The following HABP2 variants were observed in gnomAD, a reference collection of about 807,000 sequenced individuals.
The protein encoded by HABP2 is factor VII-activating protease.
In HABP2, 65 loss-of-function variants were observed where a neutral mutation model predicts 66.5. The observed-to-expected ratio is 0.98, with a 90% CI of 0.80 to 1.20. The LOEUF (loss-of-function observed/expected upper bound fraction) is 1.20. Among genes scored for constraint, HABP2 ranks in the 50% most tolerant of loss-of-function variants. The pLI, the probability that HABP2 is intolerant of heterozygous loss-of-function variation, is 0.00. For missense variants in HABP2, 786 were observed against 691.0 expected, an observed-to-expected ratio of 1.14 and a Z score of -1.54; for synonymous variants, 263 against 253.9, an observed-to-expected ratio of 1.04 and a Z score of -0.34.
intron 1 of HABP2, among the ~76,000 whole-genome samples, chr10:113,565,568 T>A (rs2419813): frequency 0.33 from 49,539 of 152,042 alleles, 9,391 homozygotes; most frequent in East Asian, 0.51. Context: ...ACCCTGAGGG[T>A]GAGTACTAAT....
At chr10:113,584,013 C>A in intron 10 of HABP2, 135 bp from the exon 11 acceptor site, 1 of 666,860 alleles carries the variant, frequency 1.5e-6, no homozygotes, top group Non-Finnish European at 2.6e-6. Context: ...ATGAAATGAC[C>A]ACGGAAGAAG....
rs566851447 is a variant in HABP2, at chr10:113,575,635, G to A, written c.224-262G>A. On this transcript the variant is annotated intron_variant, in intron 3 of 12. Coordinates refer to ENST00000351270, the MANE Select transcript of HABP2 (RefSeq NM_004132.5). ...GGAGTTTCTCAATGAGAAAGGCCCCGTCCAAAGCCAGGCCGAGGGGAGACA... is the reference window on the plus strand; with the variant it reads ...GGAGTTTCTCAATGAGAAAGGCCCCATCCAAAGCCAGGCCGAGGGGAGACA... 1.1e-4 allele frequency among the ~76,000 whole-genome samples: 17 copies of A among 152,214 alleles called. 2 individuals carry two copies. The South Asian group carries it at 2.9e-3, about 26-fold the overall frequency.
chr10:113,586,481 G>GTT (rs71951148), intron 12 of HABP2, among the ~76,000 whole-genome samples: 1 of 109,746 alleles, frequency 9.1e-6, no homozygotes, highest in Admixed American at 9.0e-5. Context: ...TGTGTGGGGG[G>GTT]GGGGGGGGTG....
rs939238433 is a variant in HABP2, at chr10:113,559,962, C to G, written c.69+6772C>G. 2.0e-5 allele frequency among the ~76,000 whole-genome samples: 3 copies of G among 152,330 alleles called. No individual in the cohort carries two copies. In the East Asian group the frequency reaches 5.8e-4, roughly 29 times the overall value. ...TCCCCTGCCCCAATGTGTCCATGTC[C>G]TTACACAAGCCACTTCACCATGCTG... On this transcript the variant is annotated intron_variant, in intron 1 of 12. Transcript: ENST00000351270.
intron 1 of HABP2, among the ~76,000 whole-genome samples, chr10:113,560,396 T>C (rs1814945888): frequency 1.3e-5 from 2 of 152,164 alleles, no homozygotes; most frequent in Admixed American, 6.5e-5. Context: ...TGTGGAGTAA[T>C]TGGAACCCTC....
chr10:113,589,142 G>T lies in HABP2; in HGVS notation c.*773G>T. 1 of 1,367,186 alleles carries T rather than the reference G, an allele frequency of 7.3e-7. No individual in the cohort carries two copies. The highest frequency in any genetic ancestry group is 1.4e-5 in the African/African-American group (1 of 70,090). The allele number at this position is 1,367,186 out of a possible 1,614,324, so 84.7% of individuals were successfully genotyped here. On this transcript the variant is annotated 3_prime_UTR_variant, in exon 13 of 13. Coordinates refer to ENST00000351270, the MANE Select transcript of HABP2 (RefSeq NM_004132.5). ...TCCCCCACCCCCACTCCCGGCCCCG[G>T]TTCCCACAGGACACGCTAAGAAGCA...
intron 3 of HABP2, 88 bp from the exon 4 acceptor site, chr10:113,575,809 G>T (rs534273365): frequency 4.5e-5 from 33 of 740,144 alleles, no homozygotes; most frequent in South Asian, 3.8e-4. Context: ...ATTTGGGGCA[G>T]GAGACTGAAA....
At chr10:113,569,410 C>T (rs1592689487) in intron 2 of HABP2, among the ~76,000 whole-genome samples, 1 of 152,232 alleles carries the variant, frequency 6.6e-6, no homozygotes, top group Non-Finnish European at 1.5e-5. Context: ...CTTAACCTCT[C>T]ACAGGGGTTG....
Position 113,581,947 on chromosome 10 carries a change from A to G in HABP2, c.910A>G (p.Thr304Ala). 6.2e-7 allele frequency: 1 copy of G among 1,614,158 alleles called. No individual in the cohort carries two copies. The highest frequency in any genetic ancestry group is 8.5e-7 in the Non-Finnish European group (1 of 1,179,982). Residue 304 changes from threonine (T) to alanine (A), a missense_variant, in exon 9 of 13, where the codon ACT (threonine) becomes GCT (alanine). By Grantham distance (58) the Thr-to-Ala change is moderately conservative. Coordinates refer to ENST00000351270, the MANE Select transcript of HABP2 (RefSeq NM_004132.5). ...TCCGGGGTTTGACTCCTGTGGAAAG[A>G]CTGAGATAGCAGAGAGGAAGATCAA... ...KLPGFDSCGK[T>A]EIAERKIKRI...
At chr10:113,583,150 A>G in intron 9 of HABP2, 66 bp from the exon 10 acceptor site, 1 of 1,482,700 alleles carries the variant, frequency 6.7e-7, no homozygotes, top group Non-Finnish European at 9.3e-7. Context: ...AGAAGGTCAG[A>G]TTTGCCAAAG....
upstream of HABP2, among the ~76,000 whole-genome samples, chr10:113,552,207 A>AT (rs1477400239): frequency 6.6e-6 from 1 of 152,208 alleles, no homozygotes; most frequent in Non-Finnish European, 1.5e-5. Context: ...TGGCAGCAGC[A>AT]TTTCAAAACC....
chr10:113,589,077 C>A lies in HABP2; in HGVS notation c.*708C>A. On this transcript the variant is annotated 3_prime_UTR_variant, in exon 13 of 13. Coordinates refer to ENST00000351270, the MANE Select transcript of HABP2 (RefSeq NM_004132.5). ...CTCCAGCCTCCACTGCTTCTGCCCCCCGCTGCTGAAATCAAACATACCCCA... is the reference window on the plus strand; with the variant it reads ...CTCCAGCCTCCACTGCTTCTGCCCCACGCTGCTGAAATCAAACATACCCCA... 6.2e-7 allele frequency: 1 copy of A among 1,613,602 alleles called. No individual in the cohort carries two copies.
chr10:113,553,263 G>A, intron 1 of HABP2, 73 bp downstream of exon 1: 1 of 1,112,782 alleles, frequency 9.0e-7, no homozygotes, highest in East Asian at 2.4e-5. Flanking sequence ...TAGGCTGGGA[G>A]TGATGAGAAA....
intron 3 of HABP2, among the ~76,000 whole-genome samples, chr10:113,575,458 G>A (rs1422880566): frequency 6.6e-6 from 1 of 152,138 alleles, no homozygotes; most frequent in African/African-American, 2.4e-5. Flanking sequence ...TTTCATTAGG[G>A]GTGGGTTTTC....
At chr10:113,582,347 A>C (rs539287566) in intron 9 of HABP2, among the ~76,000 whole-genome samples, 1 of 152,228 alleles carries the variant, frequency 6.6e-6, no homozygotes, top group Non-Finnish European at 1.5e-5. Context: ...TTTAATCCTT[A>C]AAGCTGTCTG....
chr10:113,585,140 T>C (rs1328755398), intron 11 of HABP2, among the ~76,000 whole-genome samples: 1 of 152,154 alleles, frequency 6.6e-6, no homozygotes, highest in Non-Finnish European at 1.5e-5. Context: ...GCTAATTGGA[T>C]TTAGGGTCAG....
Position 113,588,670 on chromosome 10 carries a change from CCACCA to C in HABP2, c.*304_*308del. The C allele has an allele frequency of 1.9e-6, 1 of 534,590 alleles. No individual in the cohort carries two copies. 33.1% of individuals were successfully genotyped at this position (534,590 alleles called of 1,614,324 possible). ...AAATCAGTGTTCACAGAGACTGCCTCCACCACAGGCATCCTGCAAATGCAGACTCC... is the reference window on the plus strand; with the variant it reads ...AAATCAGTGTTCACAGAGACTGCCTCCAGGCATCCTGCAAATGCAGACTCC... On this transcript the variant is annotated 3_prime_UTR_variant, in exon 13 of 13. Transcript: ENST00000351270.
chr10:113,577,322 C>A, intron 5 of HABP2, 56 bp downstream of exon 5: 2 of 913,750 alleles, frequency 2.2e-6, no homozygotes, highest in South Asian at 1.3e-5. Flanking sequence ...CTTGTACCTG[C>A]ACCCTTCTGC....
At position 113,589,141 on chromosome 10, in the gene HABP2, G is replaced by A. The variant is rs1038319178; in HGVS notation, c.*772G>A. On this transcript the variant is annotated 3_prime_UTR_variant, in exon 13 of 13. Transcript: ENST00000351270. ...CTCCCCCACCCCCACTCCCGGCCCC[G>A]GTTCCCACAGGACACGCTAAGAAGC... 1.9e-5 allele frequency: 25 copies of A among 1,349,526 alleles called. No homozygotes were observed. Among genetic ancestry groups the A allele is most frequent in the African/African-American group, 8.7e-5 (6 of 68,630 alleles). 83.6% of individuals were successfully genotyped at this position (1,349,526 alleles called of 1,614,324 possible).
Sources: allele counts gnomAD v4.1 joint callset (sites outside exome capture counted in the v4.1 genomes callset), GRCh38; gene constraint gnomAD v4.1.1; transcripts MANE v1.5; gene names NCBI Gene and HGNC (gene_info 2026-07-23, HGNC 2026-07-21).